GRIK2: variants seen among roughly 807,000 people sequenced by gnomAD.
The protein encoded by GRIK2 is glutamate ionotropic receptor kainate type subunit 2, also known as glutamate receptor ionotropic, kainate 2.
GRIK2 carries 32 observed loss-of-function variants against 100.3 expected under a neutral mutation model. The ratio of observed to expected loss-of-function variants is 0.32; its 90% confidence interval spans 0.24 to 0.43. GRIK2 has a LOEUF of 0.43. GRIK2 is among the 20% of genes least tolerant of loss of function. The probability of loss-of-function intolerance (pLI) is 1.00; values close to 1 mark genes in which losing one functional copy is unlikely to be tolerated. For synonymous variants in GRIK2, 417 were observed against 389.4 expected, an observed-to-expected ratio of 1.07 and a Z score of -0.83; for missense variants, 843 against 1,114.9, an observed-to-expected ratio of 0.76 and a Z score of 3.47.
intron 10 of GRIK2, among the ~76,000 whole-genome samples, chr6:101,854,018 T>C (rs1342969374): frequency 6.6e-6 from 1 of 152,200 alleles, no homozygotes. Context: ...CATGCCATTA[T>C]ACATTTGTCA....
intron 4 of GRIK2, among the ~76,000 whole-genome samples, chr6:101,629,007 A>G (rs1780588650): frequency 6.6e-6 from 1 of 152,078 alleles, no homozygotes; most frequent in Non-Finnish European, 1.5e-5. Context: ...CAGGTCCTAC[A>G]ATAATTTGGT....
At chr6:101,984,363 C>G (rs937726432) in intron 14 of GRIK2, among the ~76,000 whole-genome samples, 1 of 151,304 alleles carries the variant, frequency 6.6e-6, no homozygotes, top group Non-Finnish European at 1.5e-5. Flanking sequence ...TTCTTAACTA[C>G]CTTGCTTGGG....
chr6:101,662,238 G>C (rs1769682224), intron 4 of GRIK2, among the ~76,000 whole-genome samples: 3 of 152,170 alleles, frequency 2.0e-5, no homozygotes, highest in Admixed American at 2.0e-4. Context: ...TATGTCTTCT[G>C]TGTGAACTGT....
intron 2 of GRIK2, among the ~76,000 whole-genome samples, chr6:101,494,152 G>A (rs1242582543): frequency 6.6e-6 from 1 of 150,520 alleles, no homozygotes; most frequent in African/African-American, 2.4e-5. Flanking sequence ...TTTAAAGGGA[G>A]TAACACTCAT....
intron 7 of GRIK2, among the ~76,000 whole-genome samples, chr6:101,705,183 T>C (rs1050460642): frequency 2.0e-5 from 3 of 151,316 alleles, no homozygotes; most frequent in Non-Finnish European, 4.4e-5. Context: ...AGCTTGGCAT[T>C]AATGTGTATA....
intron 4 of GRIK2, among the ~76,000 whole-genome samples, chr6:101,635,900 G>A (rs113512480): frequency 0.016 from 2,442 of 152,264 alleles, 76 homozygotes; most frequent in African/African-American, 0.056. Context: ...TACACTGTTG[G>A]TAGGAGTGTA....
rs187098596 is a variant in GRIK2, at chr6:101,994,848, A to T, written c.2086-40493A>T. On this transcript the variant is annotated intron_variant, in intron 14 of 16. Coordinates refer to ENST00000369134, the MANE Select transcript of GRIK2 (RefSeq NM_021956.5). ...AACAATAAATTATAGGGCAACCATA[A>T]CTATAGCTCACAGTAAGAAATAAGA... Among the ~76,000 whole-genome samples, 48 of 152,016 alleles carry T rather than the reference A, an allele frequency of 3.2e-4. 1 individual carries two copies. The highest frequency in any genetic ancestry group is 1.1e-3 in the African/African-American group (45 of 41,522).
intron 7 of GRIK2, among the ~76,000 whole-genome samples, chr6:101,756,701 T>G (rs1162332844): frequency 1.6e-4 from 24 of 152,104 alleles, no homozygotes; most frequent in Admixed American, 1.6e-3. Flanking sequence ...AAATGACCAT[T>G]TGAAATTAAA....
chr6:101,655,546 A>G (rs768085322), intron 4 of GRIK2, among the ~76,000 whole-genome samples: 2 of 152,222 alleles, frequency 1.3e-5, no homozygotes, highest in Non-Finnish European at 2.9e-5. Context: ...GTACGAAGAA[A>G]AAAAACCACT....
At chr6:101,685,454 C>A (rs1771608502) in intron 6 of GRIK2, among the ~76,000 whole-genome samples, 1 of 152,118 alleles carries the variant, frequency 6.6e-6, no homozygotes, top group Admixed American at 6.5e-5. Flanking sequence ...AGAAAGAGGG[C>A]AAAACTCCAC....
chr6:101,724,379 C>T (rs905229891), intron 7 of GRIK2, among the ~76,000 whole-genome samples: 2 of 151,746 alleles, frequency 1.3e-5, no homozygotes, highest in Admixed American at 6.6e-5. Flanking sequence ...CTGTATCGAT[C>T]GTGCCCATTT....
At chr6:102,001,533 A>T (rs552086454) in intron 14 of GRIK2, among the ~76,000 whole-genome samples, 122 of 152,190 alleles carry the variant, frequency 8.0e-4, no homozygotes, top group Non-Finnish European at 1.3e-3. Flanking sequence ...AAAGGACATG[A>T]ACTCATTCTT....
At chr6:101,816,977 T>C (rs564069388) in intron 9 of GRIK2, among the ~76,000 whole-genome samples, 6 of 152,308 alleles carry the variant, frequency 3.9e-5, no homozygotes, top group African/African-American at 1.2e-4. Flanking sequence ...CATACTTGCA[T>C]AGAAATTCTT....
At chr6:101,776,420 C>T (rs929766189) in intron 7 of GRIK2, among the ~76,000 whole-genome samples, 9 of 152,182 alleles carry the variant, frequency 5.9e-5, no homozygotes, top group Non-Finnish European at 8.8e-5. Flanking sequence ...AGAAGACAGA[C>T]AAATAAGGGT....
intron 4 of GRIK2, among the ~76,000 whole-genome samples, chr6:101,654,454 G>A (rs955710753): frequency 6.6e-6 from 1 of 152,094 alleles, no homozygotes; most frequent in Non-Finnish European, 1.5e-5. Context: ...CCAAGGTCAG[G>A]TAGTTGGCCT....
chr6:101,465,174 A>G (rs1258221595), intron 2 of GRIK2, among the ~76,000 whole-genome samples: 1 of 152,190 alleles, frequency 6.6e-6, no homozygotes, highest in Non-Finnish European at 1.5e-5. Context: ...TTACATGAAT[A>G]TATCGTGTAG....
intron 11 of GRIK2, among the ~76,000 whole-genome samples, chr6:101,883,474 C>T (rs936540172): frequency 2.0e-5 from 3 of 151,932 alleles, no homozygotes; most frequent in African/African-American, 7.3e-5. Context: ...ACTCCTTACT[C>T]AAAAGGAACT....
chr6:101,562,398 G>A (rs1777063565), intron 2 of GRIK2, among the ~76,000 whole-genome samples: 1 of 152,068 alleles, frequency 6.6e-6, no homozygotes, highest in African/African-American at 2.4e-5. Flanking sequence ...GAATGCAGTG[G>A]CCTGATCTTA....
At chr6:101,929,018 GT>G (rs1790091332) in intron 14 of GRIK2, among the ~76,000 whole-genome samples, 1 of 152,134 alleles carries the variant, frequency 6.6e-6, no homozygotes, top group Non-Finnish European at 1.5e-5. Flanking sequence ...TCGGAAAAAT[GT>G]TTCCCATACG....
Sources: gnomAD v4.1 joint callset for allele counts (sites outside exome capture counted in the v4.1 genomes callset) on GRCh38, gnomAD v4.1.1 for gene constraint, MANE v1.5 for transcripts, NCBI Gene and HGNC (gene_info 2026-07-23, HGNC 2026-07-21) for gene names.